HROB: variants seen among roughly 807,000 people sequenced by gnomAD.
The protein encoded by HROB is homologous recombination OB-fold protein.
Under a neutral mutation model 61.0 loss-of-function variants are expected in HROB, and 44 were observed. The observed-to-expected ratio is 0.72, with a 90% CI of 0.57 to 0.93. The LOEUF is 0.93. HROB is among the 40% of genes least tolerant of loss of function. The probability of loss-of-function intolerance (pLI) is 0.00; values close to 1 mark genes in which losing one functional copy is unlikely to be tolerated. For missense variants in HROB, 716 were observed against 796.2 expected, an observed-to-expected ratio of 0.90 and a Z score of 1.21; for synonymous variants, 301 against 310.4, an observed-to-expected ratio of 0.97 and a Z score of 0.32.
rs1042656498 is a variant in HROB, at chr17:44,152,691, C to G, written c.1363C>G (p.Leu455Val). 1.2e-5 allele frequency: 19 copies of G among 1,614,074 alleles called. No homozygotes were observed. The highest frequency in any genetic ancestry group is 1.5e-5 in the Non-Finnish European group (18 of 1,180,046). The change falls in exon 5 of 10, where the codon CTG becomes GTG. Residue 455 changes from leucine to valine, a missense_variant. Physicochemically the swap from Leu to Val is conservative, Grantham distance 32 (BLOSUM62 1). Transcript: ENST00000585683. ...GGAGGATTTTGGGCGAGGGCCCTGG[C>G]TGACCATGAAATCCACGCTAGGCCT... ...VEEDFGRGPW[L>V]TMKSTLGLDE...
At chr17:44,152,273 T>A (rs1191295878) in intron 4 of HROB, among the ~76,000 whole-genome samples, 9 of 152,034 alleles carry the variant, frequency 5.9e-5, no homozygotes, top group African/African-American at 2.2e-4. Context: ...AGCCACCGCG[T>A]CTGGCCCAGG....
chr17:44,156,091 C>T (rs1286072803), intron 8 of HROB, among the ~76,000 whole-genome samples: 1 of 152,094 alleles, frequency 6.6e-6, no homozygotes, highest in Admixed American at 6.6e-5. Context: ...ATCTATAGTA[C>T]GTTTGACTTG....
intron 4 of HROB, among the ~76,000 whole-genome samples, chr17:44,151,463 C>T (rs75507539): frequency 0.011 from 1,707 of 152,266 alleles, 28 homozygotes; most frequent in African/African-American, 0.039. Flanking sequence ...CTTCCCTTCT[C>T]CTTGGGGTTC....
intron 4 of HROB, among the ~76,000 whole-genome samples, chr17:44,151,854 AT>A (rs895547502): frequency 2.7e-5 from 4 of 150,340 alleles, no homozygotes; most frequent in Non-Finnish European, 5.9e-5. Flanking sequence ...ATTTTATTTT[AT>A]TTTATTTTTG....
intron 1 of HROB, 75 bp downstream of exon 1, chr17:44,142,220 G>A: frequency 1.4e-6 from 2 of 1,390,288 alleles, no homozygotes; most frequent in Non-Finnish European, 1.9e-6. Context: ...TGGGGTTCCA[G>A]CCCCTCGCCC....
intron 4 of HROB, 123 bp downstream of exon 4, chr17:44,151,167 A>G: frequency 9.5e-7 from 1 of 1,053,378 alleles, no homozygotes; most frequent in South Asian, 1.4e-5. Flanking sequence ...TCACACACTA[A>G]AAGGCATTTG....
rs376994557 is a variant in HROB at position 44,148,752 on chromosome 17, C to A, written c.949C>A (p.Pro317Thr). Residue 317 changes from proline to threonine, a missense_variant, in exon 3 of 10, where the codon CCT becomes ACT. Pro to Thr is a conservative substitution (Grantham distance 38). Coordinates refer to ENST00000585683, the MANE Select transcript of HROB (RefSeq NM_001171251.3). Reference sequence around the variant, plus strand: ...AAGTGGCAAAGCTCATTTACCCAGACCTCGAACTCCCAACTCAAGCTGTTC... The same window carrying A: ...AAGTGGCAAAGCTCATTTACCCAGAACTCGAACTCCCAACTCAAGCTGTTC... ...WLSGKAHLPR[P>T]RTPNSSCSTP... 6.2e-6 allele frequency: 10 copies of A among 1,614,090 alleles called. No homozygotes were observed. In the African/African-American group the frequency reaches 1.3e-4, roughly 22 times the overall value.
chr17:44,148,880 C>G lies in HROB; in HGVS notation c.1077C>G (p.Pro359=), dbSNP rs149730601. The G allele has an allele frequency of 7.9e-4, 1,283 of 1,614,196 alleles. 2 individuals are homozygous for G. The highest frequency in any genetic ancestry group is 1.0e-3 in the Non-Finnish European group (1,213 of 1,180,032). ...IGSPVGTPKG[P]QGALQTPIVT... is the part of the protein sequence containing the mutation. ...CTCCTGTTGGTACCCCAAAAGGTCC[C>G]CAGGGAGCTCTGCAGACACCCATAG... Residue 359 remains proline, a synonymous_variant, in exon 3 of 10, where the codon CCC becomes CCG. Coordinates refer to ENST00000585683, the MANE Select transcript of HROB (RefSeq NM_001171251.3).
In HROB at chr17:44,161,880, A is replaced by G; in HGVS notation, c.1889A>G (p.Asp630Gly). ...ATTCCCCTCTCTGTAGATGACCTGG[A>G]TGGACTCCTGAGTGAGCTTCCTGAA... ...EEELPEADDLDGLLSELPEDF... is the reference protein window; with the variant it reads ...EEELPEADDLGGLLSELPEDF... The change falls in exon 10 of 10, where the codon GAT (aspartate) becomes GGT (glycine). Residue 630 changes from aspartate to glycine, a missense_variant. Transcript: ENST00000585683. The G allele has an allele frequency of 1.9e-6, 3 of 1,614,084 alleles. No individual in the cohort carries two copies. Among genetic ancestry groups the G allele is most frequent in the Non-Finnish European group, 2.5e-6 (3 of 1,179,920 alleles).
chr17:44,155,807 C>T (rs1420101964), intron 8 of HROB, among the ~76,000 whole-genome samples: 1 of 152,198 alleles, frequency 6.6e-6, no homozygotes, highest in Non-Finnish European at 1.5e-5. Context: ...GGTGAGCCAG[C>T]ACCTGCTCTG....
rs972938792 is a variant in HROB, at chr17:44,155,171, C to T, written c.1645-115C>T. Reference sequence around the variant, plus strand: ...GGAGATTGTGGCAAATGGTTCTCTTCTGGCACCAAGGCTAGGCAGAGGACA... The same window carrying T: ...GGAGATTGTGGCAAATGGTTCTCTTTTGGCACCAAGGCTAGGCAGAGGACA... On this transcript the variant is annotated intron_variant, in intron 7 of 9. Coordinates refer to ENST00000585683, the MANE Select transcript of HROB (RefSeq NM_001171251.3). The T allele has an allele frequency of 1.1e-5, 16 of 1,488,342 alleles. No homozygotes were observed. In the African/African-American group the frequency reaches 2.2e-4, roughly 21 times the overall value. The allele number at this position is 1,488,342 out of a possible 1,614,324, so 92.2% of individuals were successfully genotyped here.
chr17:44,151,687 T>C (rs1373023593), intron 4 of HROB, among the ~76,000 whole-genome samples: 1 of 152,120 alleles, frequency 6.6e-6, no homozygotes, highest in African/African-American at 2.4e-5. Flanking sequence ...GCTAAGCCAC[T>C]CTGGAAGCCT....
At position 44,142,147 on chromosome 17, in the gene HROB, T is replaced by C; in HGVS notation, c.3+2T>C. ...CGAGGCCCACCCGCCGTCGCTATGG[T>C]AATGCCGCGCCCAGCTTGGGGGCTG... On this transcript the variant is annotated splice_donor_variant, in intron 1 of 9. Coordinates refer to ENST00000585683, the MANE Select transcript of HROB (RefSeq NM_001171251.3). LOFTEE classifies it high-confidence loss of function. 6.6e-7 allele frequency: 1 copy of C among 1,525,856 alleles called. No homozygotes were observed. The highest frequency in any genetic ancestry group is 8.8e-7 in the Non-Finnish European group (1 of 1,141,946). The allele number at this position is 1,525,856 out of a possible 1,614,324, so 94.5% of individuals were successfully genotyped here.
At position 44,142,131 on chromosome 17, in the gene HROB, C is replaced by G. The variant is rs2053461517; in HGVS notation, c.-12C>G. On this transcript the variant is annotated 5_prime_UTR_variant, in exon 1 of 10. Transcript: ENST00000585683. ...GGGCCAACCTCCCCGCCGAGGCCCA[C>G]CCGCCGTCGCTATGGTAATGCCGCG... 6.5e-7 allele frequency: 1 copy of G among 1,529,320 alleles called. No individual in the cohort carries two copies. Among genetic ancestry groups the G allele is most frequent in the African/African-American group, 1.4e-5 (1 of 72,124 alleles). 94.7% of individuals were successfully genotyped at this position (1,529,320 alleles called of 1,614,324 possible). A position where few individuals can be genotyped will look rare whatever the true frequency, so the allele number is the denominator to read the frequency against.
intron 8 of HROB, among the ~76,000 whole-genome samples, chr17:44,157,091 C>A (rs1454193148): frequency 5.9e-5 from 9 of 152,254 alleles, no homozygotes; most frequent in Admixed American, 6.5e-5. Context: ...AGCCACCGTG[C>A]CTGGCCTTAA....
chr17:44,149,500 C>T (rs1205916614), intron 3 of HROB, among the ~76,000 whole-genome samples: 11 of 152,216 alleles, frequency 7.2e-5, no homozygotes, highest in Non-Finnish European at 1.3e-4. Context: ...CTGCCCGCCT[C>T]GGCCTCCCAA....
Position 44,142,124 on chromosome 17 carries a change from A to G in HROB, c.-19A>G. The stretch of plus-strand genomic sequence containing the variant: ...GGGTGCCGGGCCAACCTCCCCGCCG[A>G]GGCCCACCCGCCGTCGCTATGGTAA... On this transcript the variant is annotated 5_prime_UTR_variant, in exon 1 of 10. Transcript: ENST00000585683. The G allele has an allele frequency of 6.5e-7, 1 of 1,529,402 alleles. No individual in the cohort carries two copies. Among genetic ancestry groups the G allele is most frequent in the Non-Finnish European group, 8.7e-7 (1 of 1,143,748 alleles). The allele number at this position is 1,529,402 out of a possible 1,614,324, so 94.7% of individuals were successfully genotyped here. A position where few individuals can be genotyped will look rare whatever the true frequency, so the allele number is the denominator to read the frequency against.
intron 9 of HROB, among the ~76,000 whole-genome samples, chr17:44,161,453 G>A (rs2054137200): frequency 6.6e-6 from 1 of 152,154 alleles, no homozygotes; most frequent in South Asian, 2.1e-4. Context: ...TCCACTGTCA[G>A]ATGAGAAGCC....
intron 4 of HROB, 128 bp downstream of exon 4, chr17:44,151,172 C>A: frequency 1.0e-6 from 1 of 979,258 alleles, no homozygotes; most frequent in Non-Finnish European, 1.5e-6. Flanking sequence ...CACTAAAAGG[C>A]ATTTGAGGCA....
Sources: gnomAD v4.1 joint callset for allele counts (sites outside exome capture counted in the v4.1 genomes callset) on GRCh38, gnomAD v4.1.1 for gene constraint, MANE v1.5 for transcripts, NCBI Gene and HGNC (gene_info 2026-07-23, HGNC 2026-07-21) for gene names.